Variants in ZNF680 observed in about 807,000 individuals in gnomAD.
ZNF680 encodes hypothetical protein FLJ90430.
In ZNF680, 6 loss-of-function variants were observed where a neutral mutation model predicts 12.1. That is an observed-to-expected ratio of 0.49 (90% CI 0.27 to 0.98). The LOEUF is 0.98. ZNF680 is among the 50% of genes least tolerant of loss of function. The pLI is 0.12. For missense variants in ZNF680, 561 were observed against 616.3 expected, an observed-to-expected ratio of 0.91 and a Z score of 0.95; for synonymous variants, 170 against 199.3, an observed-to-expected ratio of 0.85 and a Z score of 1.24.
intron 3 of ZNF680, among the ~76,000 whole-genome samples, chr7:64,530,346 T>C (rs964604890): frequency 1.2e-4 from 18 of 152,196 alleles, no homozygotes; most frequent in South Asian, 2.1e-4. Flanking sequence ...TGAATGTAAG[T>C]GGCCTAAATC....
At chr7:64,555,359 C>CT (rs1787352686) in intron 1 of ZNF680, among the ~76,000 whole-genome samples, 1 of 146,628 alleles carries the variant, frequency 6.8e-6, no homozygotes, top group South Asian at 2.1e-4. Flanking sequence ...AAAAAAAACA[C>CT]TTGAAGTGAT....
the ZNF680 span, chr7:64,501,789 G>A: frequency 2.8e-6 from 2 of 710,126 alleles, no homozygotes; most frequent in East Asian, 3.0e-5. Context: ...GCTTCTCTAA[G>A]ATCAAATTTT....
At chr7:64,545,522 A>G (rs1786744576) in intron 1 of ZNF680, among the ~76,000 whole-genome samples, 1 of 152,176 alleles carries the variant, frequency 6.6e-6, no homozygotes, top group Admixed American at 6.5e-5. Flanking sequence ...TGCACTAGGA[A>G]CAAATTTTTA....
At chr7:64,531,659 C>T (rs1785893795) in intron 3 of ZNF680, among the ~76,000 whole-genome samples, 1 of 147,580 alleles carries the variant, frequency 6.8e-6, no homozygotes. Flanking sequence ...CATGCAAATA[C>T]ATGGAAATTA....
chr7:64,533,609 C>G (rs1044940230), intron 3 of ZNF680, among the ~76,000 whole-genome samples: 1 of 151,912 alleles, frequency 6.6e-6, no homozygotes, highest in Non-Finnish European at 1.5e-5. Flanking sequence ...AATAAACAAA[C>G]TCAATACAAT....
At chr7:64,544,465 C>G (rs759122933) in intron 1 of ZNF680, 33 bp from the exon 2 acceptor site, 138 of 1,585,986 alleles carry the variant, frequency 8.7e-5, no homozygotes, top group Non-Finnish European at 1.1e-4. Context: ...CACACACACA[C>G]ACACACTTAT....
At chr7:64,526,523 T>A in intron 3 of ZNF680, 1 of 617,678 alleles carries the variant, frequency 1.6e-6, no homozygotes, top group East Asian at 3.2e-5. Context: ...AGACTCTGCA[T>A]ATAAACAAAC....
chr7:64,546,373 G>A (rs941921077), intron 1 of ZNF680, among the ~76,000 whole-genome samples: 1 of 152,162 alleles, frequency 6.6e-6, no homozygotes, highest in Non-Finnish European at 1.5e-5. Flanking sequence ...AAAACCTGGA[G>A]AAAAAGTCCA....
intron 3 of ZNF680, among the ~76,000 whole-genome samples, chr7:64,537,790 C>G (rs966307523): frequency 6.6e-6 from 1 of 151,926 alleles, no homozygotes; most frequent in Non-Finnish European, 1.5e-5. Flanking sequence ...ATTAGCCGGG[C>G]GTGGTGGCGG....
the ZNF680 span, among the ~76,000 whole-genome samples, chr7:64,500,468 A>G: frequency 6.6e-6 from 1 of 152,216 alleles, no homozygotes; most frequent in African/African-American, 2.4e-5. Flanking sequence ...GGGGAAAAAA[A>G]AGGAACTCTT....
intron 1 of ZNF680, among the ~76,000 whole-genome samples, chr7:64,546,010 T>C (rs1786767265): frequency 6.6e-6 from 1 of 152,184 alleles, no homozygotes; most frequent in Non-Finnish European, 1.5e-5. Flanking sequence ...ATGCAGAGAA[T>C]GTAAAGAAGG....
chr7:64,537,569 C>T (rs1054474141), intron 3 of ZNF680, among the ~76,000 whole-genome samples: 5 of 151,890 alleles, frequency 3.3e-5, no homozygotes, highest in Non-Finnish European at 7.4e-5. Flanking sequence ...GATTGAAAAA[C>T]ATATTAAAAG....
At chr7:64,558,955 C>A (rs1348434390) in intron 1 of ZNF680, among the ~76,000 whole-genome samples, 1 of 151,608 alleles carries the variant, frequency 6.6e-6, no homozygotes, top group Non-Finnish European at 1.5e-5. Context: ...AGAAAAAAGG[C>A]CGGGTGGGGG....
At chr7:64,561,461 A>G (rs1211802595) in intron 1 of ZNF680, among the ~76,000 whole-genome samples, 1 of 152,188 alleles carries the variant, frequency 6.6e-6, no homozygotes, top group Non-Finnish European at 1.5e-5. Context: ...AAATTCTGAT[A>G]AGATCTCTGT....
chr7:64,544,362 T>C lies in ZNF680; in HGVS notation c.101A>G (p.Gln34Arg), dbSNP rs1364000905. 10 of 1,605,402 alleles carry C rather than the reference T, an allele frequency of 6.2e-6. No individual in the cohort carries two copies. The highest frequency in any genetic ancestry group is 8.5e-6 in the Non-Finnish European group (10 of 1,174,660). Residue 34 changes from glutamine (Q) to arginine (R), a missense_variant, in exon 2 of 4, where the codon CAA (glutamine) becomes CGA (arginine). Transcript: ENST00000309683. Reference sequence around the variant, plus strand: ...CATCACTTTCCTATATAAATTCCGTTGTGCAGTGTCCAGGCATTGCCACTC... The same window carrying C: ...CATCACTTTCCTATATAAATTCCGTCGTGCAGTGTCCAGGCATTGCCACTC... ...LEEWQCLDTAQRNLYRKVMFE... is the reference protein window; with the variant it reads ...LEEWQCLDTARRNLYRKVMFE...
intron 1 of ZNF680, among the ~76,000 whole-genome samples, chr7:64,553,730 C>T (rs561057648): frequency 4.0e-5 from 6 of 151,610 alleles, no homozygotes; most frequent in South Asian, 2.1e-4. Flanking sequence ...GGATTGCAGG[C>T]GCGCGCCGCC....
intron 3 of ZNF680, among the ~76,000 whole-genome samples, chr7:64,535,896 A>G (rs1425340166): frequency 6.6e-6 from 1 of 152,090 alleles, no homozygotes; most frequent in Non-Finnish European, 1.5e-5. Context: ...GTGAGTCGAG[A>G]TCACACCACC....
chr7:64,525,105 A>G (rs970072605), intron 3 of ZNF680: 3 of 152,116 alleles, frequency 2.0e-5, no homozygotes, highest in Non-Finnish European at 4.4e-5. Context: ...GCAATAAAAT[A>G]AACAATTTTG....
At chr7:64,508,347 T>A in the ZNF680 span, among the ~76,000 whole-genome samples, 2 of 151,946 alleles carry the variant, frequency 1.3e-5, no homozygotes, top group African/African-American at 2.4e-5. Context: ...ATGCTGTATG[T>A]GAATCTGCCA....
Sources: allele counts gnomAD v4.1 joint callset (sites outside exome capture counted in the v4.1 genomes callset), GRCh38; gene constraint gnomAD v4.1.1; transcripts MANE v1.5; gene names NCBI Gene and HGNC (gene_info 2026-07-23, HGNC 2026-07-21).